PIK3C2G: variants seen among roughly 807,000 people sequenced by gnomAD.
PIK3C2G encodes the protein phosphatidylinositol 3-kinase C2 domain-containing subunit gamma.
PIK3C2G carries 168 observed loss-of-function variants against 181.1 expected under a neutral mutation model. The ratio of observed to expected loss-of-function variants is 0.93; its 90% CI spans 0.82 to 1.05. PIK3C2G has a LOEUF of 1.05. Ranked by LOEUF, PIK3C2G falls within the 50% of genes least tolerant of loss-of-function variation. The probability of loss-of-function intolerance (pLI) is 0.00; values close to 1 mark genes in which losing one functional copy is unlikely to be tolerated. For missense variants in PIK3C2G, 1,869 were observed against 1,732.8 expected (o/e 1.08, Z -1.40); for synonymous variants, 573 against 592.2 (o/e 0.97, Z 0.47).
chr12:18,705,113 C>A, the PIK3C2G span: 1 of 1,593,032 alleles, frequency 6.3e-7, no homozygotes, highest in Non-Finnish European at 8.6e-7. Flanking sequence ...ATAACAGTGA[C>A]ATGTTTTCAT....
the PIK3C2G span, among the ~76,000 whole-genome samples, chr12:18,695,287 G>A: frequency 1.3e-5 from 2 of 152,104 alleles, no homozygotes; most frequent in Non-Finnish European, 2.9e-5. Flanking sequence ...AGTTTAATCT[G>A]TAAGTAAATT....
At chr12:18,445,966 G>A (rs1440031391) in intron 18 of PIK3C2G, among the ~76,000 whole-genome samples, 1 of 152,154 alleles carries the variant, frequency 6.6e-6, no homozygotes, top group African/African-American at 2.4e-5. Context: ...GAGGACTGGA[G>A]ACTTAATTTT....
chr12:18,354,852 G>A (rs937204689), intron 11 of PIK3C2G, among the ~76,000 whole-genome samples: 4 of 152,200 alleles, frequency 2.6e-5, no homozygotes, highest in Non-Finnish European at 5.9e-5. Flanking sequence ...AAACTCAGAT[G>A]TGAGGGAGGG....
intron 16 of PIK3C2G, among the ~76,000 whole-genome samples, chr12:18,414,249 C>T (rs1186080242): frequency 6.6e-6 from 1 of 152,076 alleles, no homozygotes; most frequent in African/African-American, 2.4e-5. Flanking sequence ...TATTCATTAA[C>T]TAGTTGGACA....
At position 18,403,422 on chromosome 12, in the gene PIK3C2G, C is replaced by T. The variant is rs78522051; in HGVS notation, c.2315+3575C>T. On this transcript the variant is annotated intron_variant, in intron 16 of 32. Coordinates refer to ENST00000538779, the MANE Select transcript of PIK3C2G (RefSeq NM_001288772.2). ...AACTATTAAAAAACTTGAGGACAAG[C>T]TGTTTCCAGAAATGAACCTTTCAAC... is the stretch of plus-strand genomic sequence containing the variant. Among the ~76,000 whole-genome samples, 698 of 152,236 alleles carry T rather than the reference C, an allele frequency of 4.6e-3. 5 individuals carry two copies. The highest frequency in any genetic ancestry group is 0.016 in the African/African-American group (675 of 41,538).
At chr12:18,354,167 G>A (rs1285199697) in intron 11 of PIK3C2G, among the ~76,000 whole-genome samples, 1 of 152,210 alleles carries the variant, frequency 6.6e-6, no homozygotes, top group Admixed American at 6.5e-5. Context: ...GTTAAATTCT[G>A]GAAAGCCTCT....
At chr12:18,692,155 A>T in the PIK3C2G span, among the ~76,000 whole-genome samples, 1 of 152,186 alleles carries the variant, frequency 6.6e-6, no homozygotes, top group Non-Finnish European at 1.5e-5. Context: ...CAGCTGGCAG[A>T]GCTTCACTAA....
At chr12:18,323,511 C>T (rs954606896) in intron 7 of PIK3C2G, among the ~76,000 whole-genome samples, 3 of 152,156 alleles carry the variant, frequency 2.0e-5, no homozygotes, top group Non-Finnish European at 4.4e-5. Context: ...TTATTTTTCT[C>T]AAAGGGTATC....
Position 18,252,145 on chromosome 12 carries a change from AG to A in PIK3C2G, c.-79+4065del, listed in dbSNP as rs1948101097. 2.0e-5 allele frequency among the ~76,000 whole-genome samples: 3 copies of A among 152,192 alleles called. No individual in the cohort carries two copies. In the South Asian group the frequency reaches 6.2e-4, roughly 31 times the overall value. ...TTACTTCTCAGGCAAATATAGAAAA[AG>A]GTTATTACAATTCTCTGAGTATAAC... On this transcript the variant is annotated intron_variant, in intron 1 of 11. Transcript: ENST00000535651.
chr12:18,513,863 T>C (rs1330646610), intron 24 of PIK3C2G, among the ~76,000 whole-genome samples: 1 of 151,768 alleles, frequency 6.6e-6, no homozygotes, highest in Non-Finnish European at 1.5e-5. Context: ...TCTGCTCTGG[T>C]CTTTGTTATT....
chr12:18,407,572 C>T (rs1944609340), intron 16 of PIK3C2G, among the ~76,000 whole-genome samples: 1 of 152,114 alleles, frequency 6.6e-6, no homozygotes, highest in South Asian at 2.1e-4. Context: ...GTCTTGCAAT[C>T]TTCTGGAGGT....
chr12:18,353,513 G>C lies in PIK3C2G; in HGVS notation c.1625+6677G>C, dbSNP rs187440069. 4.0e-3 allele frequency among the ~76,000 whole-genome samples: 602 copies of C among 152,298 alleles called. 1 individual carries two copies. Among genetic ancestry groups the C allele is most frequent in the African/African-American group, 0.014 (566 of 41,558 alleles). ...CAGTTAAACTTTATAAGAGAGATAA[G>C]TATTCTTGCCATATCTGTAGCAGTC... On this transcript the variant is annotated intron_variant, in intron 11 of 32. Transcript: ENST00000538779.
the PIK3C2G span, chr12:18,696,289 T>C: frequency 9.7e-5 from 100 of 1,031,182 alleles, no homozygotes; most frequent in Non-Finnish European, 1.3e-4. Context: ...AATTAAAACA[T>C]TGTGAAAGAA....
intron 5 of PIK3C2G, among the ~76,000 whole-genome samples, chr12:18,306,720 T>G (rs1305058821): frequency 6.6e-6 from 1 of 152,078 alleles, no homozygotes; most frequent in Non-Finnish European, 1.5e-5. Flanking sequence ...ATTATTTTAA[T>G]ATTTTGTTAT....
At chr12:18,632,011 T>C (rs1267382882) in intron 31 of PIK3C2G, among the ~76,000 whole-genome samples, 1 of 152,084 alleles carries the variant, frequency 6.6e-6, no homozygotes, top group East Asian at 1.9e-4. Context: ...TTAATGATGT[T>C]TGAATACATT....
chr12:18,661,054 G>A, the PIK3C2G span, among the ~76,000 whole-genome samples: 1 of 152,074 alleles, frequency 6.6e-6, no homozygotes, highest in Non-Finnish European at 1.5e-5. Context: ...ATATATATGA[G>A]CAGTTAGAAG....
chr12:18,401,666 A>C (rs1944257667), intron 16 of PIK3C2G, among the ~76,000 whole-genome samples: 1 of 152,220 alleles, frequency 6.6e-6, no homozygotes, highest in Non-Finnish European at 1.5e-5. Context: ...ACTCAACAAT[A>C]GAAAGATAAA....
chr12:18,346,717 T>G lies in PIK3C2G; in HGVS notation c.1506T>G (p.Tyr502Ter). The change falls in exon 11 of 33, where the codon TAT becomes TAG. Residue 502 changes from tyrosine to a stop codon, truncating the protein, a stop_gained. Transcript: ENST00000538779. LOFTEE classifies it high-confidence loss of function. ...TCAATGTCTACTGTAACAGCTTTTA[T>G]GCAGATTTTCAGCCTGTAAATGTAC... ...QLINVYCNSF[Y>*]ADFQPVNVPR... 1.9e-6 allele frequency: 3 copies of G among 1,613,480 alleles called. No individual in the cohort carries two copies. In the South Asian group the frequency reaches 3.3e-5, roughly 18 times the overall value.
rs1941122369 is a variant in PIK3C2G, at chr12:18,497,614, A to G, written c.2887-5A>G. 1 of 1,609,452 alleles carries G rather than the reference A, an allele frequency of 6.2e-7. No individual in the cohort carries two copies. Among genetic ancestry groups the G allele is most frequent in the East Asian group, 2.2e-5 (1 of 44,768 alleles). On this transcript the variant is annotated splice_polypyrimidine_tract_variant and splice_region_variant and intron_variant, in intron 21 of 32. Transcript: ENST00000538779. ...ACCCAGGGTCTATAATTTTGTTTTT[A>G]ACAGGCTGGAGATGATCTTCGTCAG...
Sources: gnomAD v4.1 joint callset for allele counts (sites outside exome capture counted in the v4.1 genomes callset) on GRCh38, gnomAD v4.1.1 for gene constraint, MANE v1.5 for transcripts, NCBI Gene and HGNC (gene_info 2026-07-23, HGNC 2026-07-21) for gene names.